PCDH15: variants seen among roughly 807,000 people sequenced by gnomAD.
PCDH15 encodes the protein protocadherin related 15.
Under a neutral mutation model 178.5 loss-of-function variants are expected in PCDH15, and 129 were observed. The observed-to-expected ratio is 0.72, with a 90% CI of 0.63 to 0.84. The LOEUF is 0.84. PCDH15 is among the 40% of genes least tolerant of loss of function. PCDH15 has a pLI of 0.00. For synonymous variants in PCDH15, 800 were observed against 732.0 expected, an observed-to-expected ratio of 1.09 and a Z score of -1.50; for missense variants, 2,230 against 2,099.9, an observed-to-expected ratio of 1.06 and a Z score of -1.21.
intron 2 of PCDH15, among the ~76,000 whole-genome samples, chr10:54,619,670 G>T (rs2093293122): frequency 6.6e-6 from 1 of 151,976 alleles, no homozygotes; most frequent in Admixed American, 6.6e-5. Context: ...TTCAAGATAA[G>T]TGCCTAGCTT....
chr10:54,097,654 G>A (rs2094724974), intron 15 of PCDH15, among the ~76,000 whole-genome samples: 1 of 151,998 alleles, frequency 6.6e-6, no homozygotes, highest in South Asian at 2.1e-4. Flanking sequence ...TTATATCCTA[G>A]CATTTTTAGT....
intron 2 of PCDH15, among the ~76,000 whole-genome samples, chr10:55,485,830 C>G (rs563652821): frequency 1.3e-5 from 2 of 151,646 alleles, no homozygotes; most frequent in Non-Finnish European, 3.0e-5. Context: ...TGAAGAGATA[C>G]TTGCATTCCA....
intron 20 of PCDH15, among the ~76,000 whole-genome samples, chr10:54,018,576 C>T (rs1453522127): frequency 3.9e-5 from 6 of 152,074 alleles, no homozygotes; most frequent in Non-Finnish European, 7.4e-5. Flanking sequence ...CTAGAGTTAT[C>T]TGCATGATCT....
intron 3 of PCDH15, among the ~76,000 whole-genome samples, chr10:54,806,877 T>C (rs1013546490): frequency 6.6e-6 from 1 of 152,198 alleles, no homozygotes; most frequent in Non-Finnish European, 1.5e-5. Flanking sequence ...GACCTCTTAA[T>C]AAGCAGTTTA....
chr10:54,228,744 A>G (rs963839350), intron 9 of PCDH15, among the ~76,000 whole-genome samples: 1 of 152,176 alleles, frequency 6.6e-6, no homozygotes, highest in Non-Finnish European at 1.5e-5. Flanking sequence ...CAGGCCCTCA[A>G]TGGACTGGAT....
intron 1 of PCDH15, among the ~76,000 whole-genome samples, chr10:55,217,146 A>G (rs946033352): frequency 6.6e-6 from 1 of 151,616 alleles, no homozygotes; most frequent in Non-Finnish European, 1.5e-5. Flanking sequence ...TGAGAAATAA[A>G]CCCCTGTGAT....
chr10:54,624,544 C>T (rs977680263), intron 2 of PCDH15, among the ~76,000 whole-genome samples: 7 of 152,172 alleles, frequency 4.6e-5, no homozygotes, highest in Non-Finnish European at 1.0e-4. Flanking sequence ...AGGCAGAAGG[C>T]TGTTTAAATG....
chr10:54,762,309 C>T (rs1017147191), intron 1 of PCDH15, among the ~76,000 whole-genome samples: 7 of 151,782 alleles, frequency 4.6e-5, no homozygotes, highest in East Asian at 1.9e-4. Context: ...CAGAACATGT[C>T]GTACTTAAAA....
chr10:55,129,692 C>T (rs905263813), intron 2 of PCDH15, among the ~76,000 whole-genome samples: 1 of 152,082 alleles, frequency 6.6e-6, no homozygotes, highest in Non-Finnish European at 1.5e-5. Flanking sequence ...GCTAATGGTA[C>T]TCTGGTTGAT....
chr10:55,068,459 T>G (rs1841624154), intron 2 of PCDH15, among the ~76,000 whole-genome samples: 1 of 152,108 alleles, frequency 6.6e-6, no homozygotes. Flanking sequence ...TATGCATACA[T>G]TTTTATATAA....
At chr10:54,363,789 A>G (rs1270772829) in intron 5 of PCDH15, among the ~76,000 whole-genome samples, 2 of 152,234 alleles carry the variant, frequency 1.3e-5, no homozygotes, top group Admixed American at 6.5e-5. Flanking sequence ...CTTTCAATTC[A>G]AAGTGTAATT....
At chr10:55,506,621 G>A (rs1180555275) in intron 2 of PCDH15, among the ~76,000 whole-genome samples, 1 of 151,454 alleles carries the variant, frequency 6.6e-6, no homozygotes, top group African/African-American at 2.4e-5. Flanking sequence ...GGAACAAACA[G>A]GGTAATATTT....
chr10:55,137,467 G>A (rs7919948), intron 2 of PCDH15, among the ~76,000 whole-genome samples: 11,188 of 151,914 alleles, frequency 0.074, 1,372 homozygotes, highest in African/African-American at 0.25. Flanking sequence ...TGTTTGCCCA[G>A]TGAGAAAGTT....
rs143106857 is a variant in PCDH15 at position 54,218,971 on chromosome 10, G to A, written c.986-4923C>T. On this transcript the variant is annotated intron_variant, in intron 9 of 37. Coordinates refer to ENST00000644397, the MANE Select transcript of PCDH15 (RefSeq NM_001384140.1). ...ACCACTGTAGATTAAAAGAGACTTA[G>A]GGCTGGGCGCAGTGGCTCACGCCTG... Among the ~76,000 whole-genome samples the A allele has an allele frequency of 7.8e-3, 1,187 of 151,802 alleles. 9 individuals carry two copies. Among genetic ancestry groups the A allele is most frequent in the African/African-American group, 0.025 (1,033 of 41,416 alleles).
At chr10:55,121,779 G>C (rs1282683263) in intron 2 of PCDH15, among the ~76,000 whole-genome samples, 1 of 151,936 alleles carries the variant, frequency 6.6e-6, no homozygotes, top group East Asian at 1.9e-4. Context: ...TGCCATATAA[G>C]GACACAACTT....
intron 3 of PCDH15, among the ~76,000 whole-genome samples, chr10:54,516,091 T>C (rs1173621195): frequency 6.6e-6 from 1 of 151,964 alleles, no homozygotes; most frequent in Non-Finnish European, 1.5e-5. Flanking sequence ...GCAGAGCGCC[T>C]CTCCTCCTCC....
intron 2 of PCDH15, among the ~76,000 whole-genome samples, chr10:55,071,970 A>G (rs1040593772): frequency 1.3e-5 from 2 of 152,092 alleles, no homozygotes; most frequent in Non-Finnish European, 2.9e-5. Context: ...ACTACATGGA[A>G]ACTGAACAAC....
Position 55,401,594 on chromosome 10 carries a change from C to CTGTGTGTGTGTGTGTGTG in PCDH15, c.-156+226013_-156+226030dup, listed in dbSNP as rs3074786. Among the ~76,000 whole-genome samples the CTGTGTGTGTGTGTGTGTG allele has an allele frequency of 1.5e-3, 200 of 133,174 alleles. 4 individuals are homozygous for CTGTGTGTGTGTGTGTGTG. Among genetic ancestry groups the CTGTGTGTGTGTGTGTGTG allele is most frequent in the African/African-American group, 5.5e-3 (188 of 33,980 alleles). 87.4% of individuals were successfully genotyped at this position (133,174 alleles called of 152,430 possible). A position where few individuals can be genotyped will look rare whatever the true frequency, so the allele number is the denominator to read the frequency against. ...TTCTTTACTGGACCAATTTGCCTTA[C>CTGTGTGTGTGTGTGTGTG]TGTGTGTGTGTGTGTGTGTGTGTGT... On this transcript the variant is annotated intron_variant, in intron 2 of 5. Transcript: ENST00000613346.
Position 54,191,598 on chromosome 10 carries a change from G to A in PCDH15, c.1305+4085C>T, listed in dbSNP as rs531204629. ...GTGAGCTTAAATTTTCTTCTCTAGAGGAATAGGTGTCATAAAAGTATATCA... is the reference window on the plus strand; with the variant it reads ...GTGAGCTTAAATTTTCTTCTCTAGAAGAATAGGTGTCATAAAAGTATATCA... On this transcript the variant is annotated intron_variant, in intron 11 of 37. Transcript: ENST00000644397. 2.6e-5 allele frequency among the ~76,000 whole-genome samples: 4 copies of A among 152,140 alleles called. No individual in the cohort carries two copies. In the South Asian group the frequency reaches 8.3e-4, roughly 32 times the overall value.
Sources: gnomAD v4.1 joint callset for allele counts (sites outside exome capture counted in the v4.1 genomes callset) on GRCh38, gnomAD v4.1.1 for gene constraint, MANE v1.5 for transcripts, NCBI Gene and HGNC (gene_info 2026-07-23, HGNC 2026-07-21) for gene names.